The following RPS6KA2 variants were observed in gnomAD, a reference collection of about 807,000 sequenced individuals.
RPS6KA2 encodes the protein ribosomal protein S6 kinase A2, also known as ribosomal protein S6 kinase alpha-2.
In RPS6KA2, 42 loss-of-function variants were observed where a neutral mutation model predicts 91.8. That is an observed-to-expected ratio of 0.46 (90% confidence interval 0.36 to 0.59). The LOEUF is 0.59. RPS6KA2 is among the 20% of genes least tolerant of loss of function. RPS6KA2 has a pLI of 0.00. For synonymous variants in RPS6KA2, 414 were observed against 393.6 expected (o/e 1.05, Z -0.61); for missense variants, 798 against 978.5 (o/e 0.82, Z 2.46).
At chr6:166,470,004 G>A in intron 10 of RPS6KA2, 99 bp from the exon 11 acceptor site, 1 of 1,100,392 alleles carries the variant, frequency 9.1e-7, no homozygotes, top group East Asian at 2.4e-5. Flanking sequence ...GTGCAGAGGT[G>A]GGGCCGTGGG....
At chr6:166,731,185 T>C (rs1327802915) in intron 2 of RPS6KA2, among the ~76,000 whole-genome samples, 2 of 151,964 alleles carry the variant, frequency 1.3e-5, no homozygotes, top group Non-Finnish European at 2.9e-5. Flanking sequence ...GAGGTTGCGG[T>C]GAGCCGAGAT....
intron 7 of RPS6KA2, among the ~76,000 whole-genome samples, chr6:166,498,878 A>G (rs1006354208): frequency 3.9e-5 from 6 of 152,166 alleles, no homozygotes; most frequent in African/African-American, 1.4e-4. Context: ...GGAGTTCCTT[A>G]TGAGTGTACA....
chr6:166,441,537 T>C (rs1180766614), intron 14 of RPS6KA2, among the ~76,000 whole-genome samples: 1 of 152,220 alleles, frequency 6.6e-6, no homozygotes, highest in Admixed American at 6.5e-5. Flanking sequence ...GGAAGCCCCA[T>C]GGTGAAACCA....
chr6:166,471,939 G>A (rs1219223931), intron 10 of RPS6KA2, among the ~76,000 whole-genome samples: 2 of 152,234 alleles, frequency 1.3e-5, no homozygotes, highest in African/African-American at 2.4e-5. Context: ...ATGAGCCTTC[G>A]CAGGCGCACC....
intron 12 of RPS6KA2, among the ~76,000 whole-genome samples, chr6:166,457,087 T>C (rs952022515): frequency 6.6e-6 from 1 of 152,204 alleles, no homozygotes; most frequent in African/African-American, 2.4e-5. Flanking sequence ...AGCACAAACA[T>C]AGACTTTCTT....
intron 2 of RPS6KA2, among the ~76,000 whole-genome samples, chr6:166,706,817 G>A (rs867907262): frequency 4.9e-4 from 74 of 152,258 alleles, no homozygotes; most frequent in Admixed American, 1.7e-3. Context: ...TATAGAGAGG[G>A]TGGGATCGGG....
chr6:166,701,650 G>T, intron 2 of RPS6KA2: 2 of 1,281,354 alleles, frequency 1.6e-6, no homozygotes, highest in Middle Eastern at 2.4e-4. Flanking sequence ...GGAGGGAGGA[G>T]TCATGGCTGA....
intron 2 of RPS6KA2, among the ~76,000 whole-genome samples, chr6:166,695,999 G>A (rs900913890): frequency 2.0e-5 from 3 of 152,226 alleles, no homozygotes; most frequent in African/African-American, 4.8e-5. Flanking sequence ...AATGGCTGAT[G>A]ATCTGAGGTG....
intron 1 of RPS6KA2, among the ~76,000 whole-genome samples, chr6:166,584,556 A>T (rs563661107): frequency 6.6e-6 from 1 of 152,380 alleles, no homozygotes; most frequent in South Asian, 2.1e-4. Context: ...ATGTCATGAC[A>T]TCACAATTAA....
chr6:166,802,557 C>T (rs1214293172), intron 2 of RPS6KA2, among the ~76,000 whole-genome samples: 1 of 152,160 alleles, frequency 6.6e-6, no homozygotes, highest in Admixed American at 6.5e-5. Flanking sequence ...CAGACACTAA[C>T]GGGAATGTTT....
chr6:166,760,937 G>C (rs1450616206), intron 2 of RPS6KA2, among the ~76,000 whole-genome samples: 1 of 152,194 alleles, frequency 6.6e-6, no homozygotes, highest in Non-Finnish European at 1.5e-5. Context: ...TTTGGTCTCT[G>C]GCTAAATGGT....
In RPS6KA2 at chr6:166,508,348, G is replaced by T; in HGVS notation, c.380-66C>A. ...TGTCCTGTGGCAACATCGCTCTCTG[G>T]CTTCTCCCTGCTCACGGTGCTGCTT... On this transcript the variant is annotated intron_variant, in intron 4 of 20. Transcript: ENST00000265678. This position sits in a 1 kb window ranked among gnomAD's most constrained non-coding sequence, Gnocchi z 4.3. 9.8e-7 allele frequency: 1 copy of T among 1,022,502 alleles called. No individual in the cohort carries two copies. Among genetic ancestry groups the T allele is most frequent in the South Asian group, 1.3e-5 (1 of 75,168 alleles). 63.3% of individuals were successfully genotyped at this position (1,022,502 alleles called of 1,614,324 possible).
intron 1 of RPS6KA2, among the ~76,000 whole-genome samples, chr6:166,571,330 A>C (rs577699003): frequency 6.6e-6 from 1 of 152,382 alleles, no homozygotes; most frequent in East Asian, 1.9e-4. Context: ...AACTAGAAGA[A>C]AGACCAGCAA....
intron 2 of RPS6KA2, among the ~76,000 whole-genome samples, chr6:166,669,536 C>A (rs1788414879): frequency 6.6e-6 from 1 of 152,166 alleles, no homozygotes; most frequent in Non-Finnish European, 1.5e-5. Context: ...TCCAAAGAGT[C>A]TCCCTTGAGT....
intron 2 of RPS6KA2, among the ~76,000 whole-genome samples, chr6:166,743,623 C>T (rs898359081): frequency 2.0e-5 from 3 of 152,220 alleles, no homozygotes; most frequent in Non-Finnish European, 1.5e-5. Context: ...TCTTGTAACC[C>T]TTTGGTATAT....
intron 3 of RPS6KA2, among the ~76,000 whole-genome samples, chr6:166,515,248 C>T (rs1324905963): frequency 6.6e-6 from 1 of 152,124 alleles, no homozygotes; most frequent in Non-Finnish European, 1.5e-5. Context: ...CAGGTGGGGA[C>T]TGCAGGAGGC....
rs571526327 is a variant in RPS6KA2 at position 166,777,600 on chromosome 6, T to C, written c.123+80600A>G. Reference sequence around the variant, plus strand: ...AGTATTAAAGAAGTATTGTTAAAAGTTATAAAATCATAAAGAACATAGTAA... The same window carrying C: ...AGTATTAAAGAAGTATTGTTAAAAGCTATAAAATCATAAAGAACATAGTAA... On this transcript the variant is annotated intron_variant, in intron 2 of 21. Coordinates refer to the RPS6KA2 transcript ENST00000503859. Among the ~76,000 whole-genome samples, 26 of 152,272 alleles carry C rather than the reference T, an allele frequency of 1.7e-4. 1 individual carries two copies. In the South Asian group the frequency reaches 5.4e-3, roughly 32 times the overall value.
chr6:166,790,703 A>G (rs1779060566), intron 2 of RPS6KA2, among the ~76,000 whole-genome samples: 2 of 152,264 alleles, frequency 1.3e-5, no homozygotes, highest in South Asian at 2.1e-4. Flanking sequence ...AGTGGGGGCC[A>G]ATATTCAACA....
rs576331080 is a variant in RPS6KA2, at chr6:166,668,976, G to A, written c.124-130192C>T. ...GATCACCACGGCTCCCTGTAGCCTC[G>A]ACCTCCCAGGCTCAAGTGATCCTCC... On this transcript the variant is annotated intron_variant, in intron 2 of 21. Transcript: ENST00000503859. Among the ~76,000 whole-genome samples the A allele has an allele frequency of 8.4e-4, 126 of 149,378 alleles. 1 individual carries two copies. The highest frequency in any genetic ancestry group is 6.9e-3 in the Middle Eastern group (2 of 290).
Sources: allele counts gnomAD v4.1 joint callset (sites outside exome capture counted in the v4.1 genomes callset), GRCh38; gene constraint gnomAD v4.1.1; non-coding constraint Gnocchi (gnomAD v3.1); transcripts MANE v1.5; gene names NCBI Gene and HGNC (gene_info 2026-07-23, HGNC 2026-07-21).